The following GPHN variants were observed in gnomAD, a reference collection of about 807,000 sequenced individuals.
GPHN encodes the protein gephyrin.
Under a neutral mutation model 95.5 loss-of-function variants are expected in GPHN, and 17 were observed. That is an observed-to-expected ratio of 0.18 (90% CI 0.12 to 0.27). The LOEUF is 0.27. GPHN is among the 10% of genes least tolerant of loss of function. The pLI is 1.00. For missense variants in GPHN, 660 were observed against 978.1 expected, an observed-to-expected ratio of 0.67 and a Z score of 4.34; for synonymous variants, 320 against 322.5, an observed-to-expected ratio of 0.99 and a Z score of 0.08.
chr14:67,327,514 A>C, the GPHN span, among the ~76,000 whole-genome samples: 1 of 151,744 alleles, frequency 6.6e-6, no homozygotes, highest in African/African-American at 2.4e-5. Flanking sequence ...TTATACTTTA[A>C]GTTCTAGGGT....
At chr14:67,695,839 T>G in the GPHN span, 1 of 774,618 alleles carries the variant, frequency 1.3e-6, no homozygotes, top group Admixed American at 2.8e-5. Flanking sequence ...AGTCCAGAGC[T>G]TGACAGCCTC....
the GPHN span, chr14:67,579,198 G>A: frequency 6.2e-7 from 1 of 1,611,356 alleles, no homozygotes; most frequent in South Asian, 1.1e-5. Flanking sequence ...GCGGACCGGG[G>A]AGCGGGAAGC....
At chr14:67,280,620 A>T in the GPHN span, among the ~76,000 whole-genome samples, 1 of 152,290 alleles carries the variant, frequency 6.6e-6, no homozygotes, top group Admixed American at 6.5e-5. Flanking sequence ...TCAGGTGTTG[A>T]TGTACTACAC....
the GPHN span, among the ~76,000 whole-genome samples, chr14:67,629,965 T>C: frequency 6.6e-6 from 1 of 152,160 alleles, no homozygotes; most frequent in African/African-American, 2.4e-5. Flanking sequence ...CTTTAAAAAA[T>C]CATCCTAAAT....
chr14:67,691,401 G>A, the GPHN span: 2 of 579,916 alleles, frequency 3.4e-6, no homozygotes, highest in Non-Finnish European at 3.1e-6. Context: ...TTCATTTTAA[G>A]ACTTTAGTTG....
At chr14:66,877,712 C>G (rs899138273) in intron 4 of GPHN, among the ~76,000 whole-genome samples, 1 of 152,068 alleles carries the variant, frequency 6.6e-6, no homozygotes, top group Non-Finnish European at 1.5e-5. Flanking sequence ...GAACTACAAA[C>G]CACTGCTCAA....
At chr14:67,598,839 G>A in the GPHN span, among the ~76,000 whole-genome samples, 117,872 of 151,208 alleles carry the variant, frequency 0.78, 46,156 homozygotes, top group Middle Eastern at 0.84. Flanking sequence ...CCTTCCGAGT[G>A]GCTGAGACTA....
chr14:66,553,887 C>T (rs528970340), intron 1 of GPHN, among the ~76,000 whole-genome samples: 3 of 152,246 alleles, frequency 2.0e-5, no homozygotes, highest in South Asian at 2.1e-4. Context: ...AGTTATTGTA[C>T]TCTTAAGCTC....
rs192486518 is a variant in GPHN at position 67,174,993 on chromosome 14, G to T, written c.2080-4585G>T. 4.0e-3 allele frequency among the ~76,000 whole-genome samples: 612 copies of T among 152,220 alleles called. 2 individuals carry two copies. The highest frequency in any genetic ancestry group is 0.014 in the African/African-American group (577 of 41,540). On this transcript the variant is annotated intron_variant, in intron 21 of 22. Coordinates refer to ENST00000478722, the MANE Select transcript of GPHN (RefSeq NM_020806.5). ...TGGATATTAGCCCTTTGTCAGATGG[G>T]TAGATTGTAAAAAATTTTTTCCATT...
At chr14:67,145,885 T>A (rs1187163011) in intron 18 of GPHN, among the ~76,000 whole-genome samples, 7 of 152,224 alleles carry the variant, frequency 4.6e-5, no homozygotes. Context: ...TAAGTGCCTA[T>A]GCTACAGGAC....
chr14:67,157,958 G>A (rs886255630), intron 18 of GPHN, among the ~76,000 whole-genome samples: 2 of 152,012 alleles, frequency 1.3e-5, no homozygotes, highest in African/African-American at 2.4e-5. Flanking sequence ...GGCTGGGTGA[G>A]ATGGATGAGA....
the GPHN span, among the ~76,000 whole-genome samples, chr14:67,432,970 G>A: frequency 6.6e-6 from 1 of 152,158 alleles, no homozygotes; most frequent in Admixed American, 6.5e-5. Flanking sequence ...CAGAGACCCT[G>A]TTTCCACATA....
chr14:67,650,794 C>G, the GPHN span: 2 of 1,614,136 alleles, frequency 1.2e-6, no homozygotes, highest in South Asian at 2.2e-5. Context: ...CTACAGCTAA[C>G]CTGGCAGTAG....
chr14:67,403,394 T>C, the GPHN span, among the ~76,000 whole-genome samples: 1 of 152,240 alleles, frequency 6.6e-6, no homozygotes, highest in African/African-American at 2.4e-5. Context: ...TCAGCAGTGA[T>C]GCTTCTAATA....
At chr14:67,724,322 C>T in the GPHN span, 4 of 694,726 alleles carry the variant, frequency 5.8e-6, no homozygotes, top group Non-Finnish European at 1.0e-5. Flanking sequence ...AAAATGTTGT[C>T]CTATGAAGGT....
the GPHN span, chr14:67,729,772 C>G: frequency 4.0e-6 from 2 of 503,204 alleles, no homozygotes; most frequent in Admixed American, 2.1e-5. Context: ...AACGTCCTCT[C>G]TCTTCGGTGT....
rs544758314 is a variant in GPHN, at chr14:66,821,940, T to C, written c.202-2534T>C. 4.6e-5 allele frequency among the ~76,000 whole-genome samples: 7 copies of C among 152,324 alleles called. No homozygotes were observed. In the South Asian group the frequency reaches 1.4e-3, roughly 32 times the overall value. On this transcript the variant is annotated intron_variant, in intron 3 of 22. Coordinates refer to ENST00000478722, the MANE Select transcript of GPHN (RefSeq NM_020806.5). ...AAAAACTTTAGTAATATTACTGTAA[T>C]AAAACTGATTTTTGTTTGTTTGTTT...
At chr14:67,614,538 A>C in the GPHN span, among the ~76,000 whole-genome samples, 2 of 151,748 alleles carry the variant, frequency 1.3e-5, no homozygotes, top group Admixed American at 1.3e-4. Context: ...TGAGGCAAGG[A>C]GGATCGCTTG....
In GPHN at chr14:66,617,924, A is replaced by G. The variant is rs533180720; in HGVS notation, c.65-63183A>G. ...CTAATTTTGTGCTTGGGACTTTCAC[A>G]TAAGTGATTATGAAAGAGATTATCT... is the stretch of plus-strand genomic sequence containing the variant. On this transcript the variant is annotated intron_variant, in intron 1 of 22. Transcript: ENST00000478722. 3.9e-5 allele frequency among the ~76,000 whole-genome samples: 6 copies of G among 152,272 alleles called. No homozygotes were observed. In the South Asian group the frequency reaches 8.3e-4, roughly 21 times the overall value.
Sources: gnomAD v4.1 joint callset for allele counts (sites outside exome capture counted in the v4.1 genomes callset) on GRCh38, gnomAD v4.1.1 for gene constraint, MANE v1.5 for transcripts, NCBI Gene and HGNC (gene_info 2026-07-23, HGNC 2026-07-21) for gene names.